Variants in PRKCE observed in about 807,000 individuals in gnomAD.
PRKCE encodes protein kinase C epsilon type.
A neutral mutation model predicts 85.4 loss-of-function variants in PRKCE; 16 were observed. That is an observed-to-expected ratio of 0.19 (90% CI 0.13 to 0.28). PRKCE has a LOEUF of 0.28. Among genes scored for constraint, PRKCE ranks in the 10% least tolerant of loss-of-function variants. PRKCE has a pLI of 1.00. For synonymous variants in PRKCE, 388 were observed against 371.5 expected (o/e 1.04, Z -0.51); for missense variants, 573 against 975.2 (o/e 0.59, Z 5.49).
chr2:45,707,704 C>T (rs1679229638), intron 1 of PRKCE, among the ~76,000 whole-genome samples: 1 of 152,234 alleles, frequency 6.6e-6, no homozygotes. Context: ...TGTGGCTTCT[C>T]ATGTCTGTGG....
In PRKCE at chr2:46,068,961, G is replaced by A. The variant is rs1020295469; in HGVS notation, c.1438-17247G>A. 9.9e-5 allele frequency among the ~76,000 whole-genome samples: 15 copies of A among 152,132 alleles called. No homozygotes were observed. Among genetic ancestry groups the A allele is most frequent in the African/African-American group, 1.9e-4 (8 of 41,408 alleles). On this transcript the variant is annotated intron_variant, in intron 10 of 14. Transcript: ENST00000306156. The surrounding 1 kb of genome is among the most constrained non-coding windows in gnomAD (Gnocchi z 4.3). The stretch of plus-strand genomic sequence containing the variant: ...AGCCTCTTAGAAATGCAGGATTTCC[G>A]GTCCCAACTTAGACCTGCAGAATCA...
chr2:45,816,972 A>G (rs1455497889), intron 1 of PRKCE, among the ~76,000 whole-genome samples: 3 of 152,206 alleles, frequency 2.0e-5, no homozygotes, highest in African/African-American at 7.2e-5. Context: ...TTATAATAAC[A>G]GTAGGTGTTA....
rs79991844 is a variant in PRKCE at position 45,885,995 on chromosome 2, G to T, written c.412+42932G>T. ...TGTTAGACCCACACCTCCCCAGAACGTGAATCTTTCCCACTGAACTCCCTG... is the reference window on the plus strand; with the variant it reads ...TGTTAGACCCACACCTCCCCAGAACTTGAATCTTTCCCACTGAACTCCCTG... On this transcript the variant is annotated intron_variant, in intron 2 of 14. Transcript: ENST00000306156. Among the ~76,000 whole-genome samples, 306 of 152,290 alleles carry T rather than the reference G, an allele frequency of 2.0e-3. 8 individuals are homozygous for T. In the East Asian group the frequency reaches 0.039, roughly 20 times the overall value.
rs944381010 is a variant in PRKCE at position 46,007,583 on chromosome 2, C to G, written c.1185C>G (p.Val395=). Residue 395 remains valine (V), a synonymous_variant, in exon 9 of 15, where the codon GTC becomes GTG. Transcript: ENST00000306156. ...TGAGCCCCGGTGAGAATGGCGAAGT[C>G]CGGCAAGGCCAGGCCAAGCGCCTGG... The part of the protein sequence containing the change: ...QLMSPGENGE[V]RQGQAKRLGL... 6.3e-7 allele frequency: 1 copy of G among 1,599,690 alleles called. No individual in the cohort carries two copies. Among genetic ancestry groups the G allele is most frequent in the Admixed American group, 1.7e-5 (1 of 60,010 alleles).
rs1033610692 is a variant in PRKCE, at chr2:45,907,089, G to A, written c.412+64026G>A. On this transcript the variant is annotated intron_variant, in intron 2 of 14. Coordinates refer to ENST00000306156, the MANE Select transcript of PRKCE (RefSeq NM_005400.3). This position sits in a 1 kb window ranked among gnomAD's most constrained non-coding sequence, Gnocchi z 4.5. ...GTCTAAGTGGTATAGACGGAAGGAAGGCGGTCAGAGGGTACACGCTCCATG... is the reference window on the plus strand; with the variant it reads ...GTCTAAGTGGTATAGACGGAAGGAAAGCGGTCAGAGGGTACACGCTCCATG... Among the ~76,000 whole-genome samples, 20 of 152,306 alleles carry A rather than the reference G, an allele frequency of 1.3e-4. No individual in the cohort carries two copies. The highest frequency in any genetic ancestry group is 2.2e-4 in the Non-Finnish European group (15 of 68,028).
Position 46,184,484 on chromosome 2 carries a change from CT to C in PRKCE, c.2068-250del, listed in dbSNP as rs1680303772. Among the ~76,000 whole-genome samples the C allele has an allele frequency of 6.6e-6, 1 of 152,038 alleles. No homozygotes were observed. The highest frequency in any genetic ancestry group is 1.5e-5 in the Non-Finnish European group (1 of 67,994). ...ACACGTCTGTGGGAATCCCACTTCC[CT>C]GCTTTTCCATCATACCCTCTCACCC... On this transcript the variant is annotated intron_variant, in intron 14 of 14. Transcript: ENST00000306156. This position sits in a 1 kb window ranked among gnomAD's most constrained non-coding sequence, Gnocchi z 5.0.
chr2:46,113,846 G>C (rs910432033), intron 11 of PRKCE, among the ~76,000 whole-genome samples: 1 of 152,158 alleles, frequency 6.6e-6, no homozygotes, highest in African/African-American at 2.4e-5. Flanking sequence ...ACTCCTGAAC[G>C]AGGACCAGCC....
At chr2:45,860,317 A>G (rs1693043081) in intron 2 of PRKCE, among the ~76,000 whole-genome samples, 1 of 152,218 alleles carries the variant, frequency 6.6e-6, no homozygotes, top group Non-Finnish European at 1.5e-5. Context: ...ATAACTTGCA[A>G]ACTTACATAG....
intron 2 of PRKCE, among the ~76,000 whole-genome samples, chr2:45,917,927 C>G (rs1697943212): frequency 6.6e-6 from 1 of 152,200 alleles, no homozygotes; most frequent in African/African-American, 2.4e-5. Flanking sequence ...CTAAGCCCCT[C>G]ATTGCCCAGG....
chr2:45,953,453 C>G (rs889433935), intron 2 of PRKCE, among the ~76,000 whole-genome samples: 2 of 152,192 alleles, frequency 1.3e-5, no homozygotes, highest in African/African-American at 4.8e-5. Flanking sequence ...CTTCCCTCTC[C>G]CTGAACAGCC....
At chr2:46,133,467 T>C (rs1674659776) in intron 11 of PRKCE, among the ~76,000 whole-genome samples, 1 of 152,214 alleles carries the variant, frequency 6.6e-6, no homozygotes, top group Non-Finnish European at 1.5e-5. Context: ...TCCCTCTCCC[T>C]ATCCTGAAAC....
intron 13 of PRKCE, among the ~76,000 whole-genome samples, chr2:46,157,419 C>T: frequency 6.6e-6 from 1 of 152,180 alleles, no homozygotes; most frequent in Non-Finnish European, 1.5e-5. Flanking sequence ...CTTAGACATT[C>T]AGTAATGTCT....
chr2:45,912,050 G>C (rs1435200544), intron 2 of PRKCE, among the ~76,000 whole-genome samples: 1 of 152,052 alleles, frequency 6.6e-6, no homozygotes, highest in African/African-American at 2.4e-5. Context: ...CACGCATTCT[G>C]GTAGTGGAGT....
At chr2:46,019,537 T>A (rs1439294444) in intron 10 of PRKCE, among the ~76,000 whole-genome samples, 2 of 152,276 alleles carry the variant, frequency 1.3e-5, no homozygotes, top group Non-Finnish European at 2.9e-5. Flanking sequence ...CAGTGCTTAA[T>A]ATTAGAAGTG....
At chr2:46,023,109 A>AAAAAAAAAAT (rs1383340242) in intron 10 of PRKCE, among the ~76,000 whole-genome samples, 6 of 150,858 alleles carry the variant, frequency 4.0e-5, no homozygotes, top group African/African-American at 1.5e-4. Flanking sequence ...AAAAAAAAAA[A>AAAAAAAAAAT]ATCATCTATA....
intron 13 of PRKCE, among the ~76,000 whole-genome samples, chr2:46,152,465 AGCCACTGC>A (rs1676739699): frequency 6.6e-6 from 1 of 152,022 alleles, no homozygotes; most frequent in Non-Finnish European, 1.5e-5. Flanking sequence ...TACAGACATG[AGCCACTGC>A]GCCCAGCCTG....
At chr2:45,803,316 C>A (rs1239893253) in intron 1 of PRKCE, among the ~76,000 whole-genome samples, 1 of 152,188 alleles carries the variant, frequency 6.6e-6, no homozygotes, top group Non-Finnish European at 1.5e-5. Flanking sequence ...AAATTAAGTC[C>A]TAGAATAAAG....
intron 1 of PRKCE, among the ~76,000 whole-genome samples, chr2:45,715,239 C>T (rs1240216111): frequency 6.6e-6 from 1 of 152,248 alleles, no homozygotes; most frequent in African/African-American, 2.4e-5. Flanking sequence ...TGCTCCTGGT[C>T]CACACAATGG....
intron 2 of PRKCE, among the ~76,000 whole-genome samples, chr2:45,866,411 C>T (rs550830719): frequency 6.6e-6 from 1 of 152,082 alleles, no homozygotes; most frequent in African/African-American, 2.4e-5. Flanking sequence ...GGGTTCATGC[C>T]ATTCTCCTGC....
Sources: allele counts gnomAD v4.1 joint callset (sites outside exome capture counted in the v4.1 genomes callset), GRCh38; gene constraint gnomAD v4.1.1; non-coding constraint Gnocchi (gnomAD v3.1); transcripts MANE v1.5; gene names NCBI Gene and HGNC (gene_info 2026-07-23, HGNC 2026-07-21).